The following SLC38A8 variants were observed in gnomAD, a reference collection of about 807,000 sequenced individuals.
The protein encoded by SLC38A8 is solute carrier family 38 member 8.
SLC38A8 carries 65 observed loss-of-function variants against 46.0 expected under a neutral mutation model. The observed-to-expected ratio is 1.41, with a 90% CI of 1.16 to 1.74. SLC38A8 has a LOEUF of 1.74. Ranked by LOEUF, SLC38A8 falls within the 40% of genes most tolerant of loss-of-function variation. The pLI is 0.00. For missense variants in SLC38A8, 998 were observed against 567.9 expected (o/e 1.76, Z -7.70); for synonymous variants, 447 against 243.7 (o/e 1.83, Z -7.77).
intron 4 of SLC38A8, 30 bp from the exon 5 acceptor site, chr16:84,031,998 C>T (rs1193340288): frequency 6.3e-7 from 1 of 1,584,642 alleles, no homozygotes; most frequent in South Asian, 1.1e-5. Context: ...AGGGGCTGCG[C>T]AGTGGGTGAC....
intron 5 of SLC38A8, among the ~76,000 whole-genome samples, chr16:84,030,803 T>G (rs1442354290): frequency 6.6e-6 from 1 of 152,048 alleles, no homozygotes; most frequent in Non-Finnish European, 1.5e-5. Flanking sequence ...GACAGTGACA[T>G]CAGAAGGGTA....
Position 84,042,023 on chromosome 16 carries a change from G to A in SLC38A8, c.135C>T (p.Phe45=), listed in dbSNP as rs577563655. ...KSALGAGLLN[F]PWAFSKAGGV... ...CGCCCGCTTTGGAGAAGGCCCAGGG[G>A]AAGTTGAGCAGGCCAGCTCCCAGCG... Residue 45 remains phenylalanine, a synonymous_variant, in exon 2 of 11, where the codon TTC becomes TTT. Coordinates refer to ENST00000299709, the MANE Select transcript of SLC38A8 (RefSeq NM_001080442.3). 2 of 1,613,512 alleles carry A rather than the reference G, an allele frequency of 1.2e-6. No individual in the cohort carries two copies. The highest frequency in any genetic ancestry group is 2.2e-5 in the South Asian group (2 of 91,020).
intron 6 of SLC38A8, among the ~76,000 whole-genome samples, chr16:84,028,570 G>GAAA (rs34104203): frequency 0.027 from 3,820 of 139,244 alleles, 199 homozygotes; most frequent in African/African-American, 0.097. Context: ...CTCAAAAAAA[G>GAAA]AAAAAAAAAA....
At position 84,015,580 on chromosome 16, in the gene SLC38A8, G is replaced by GC. The variant is rs548277683; in HGVS notation, c.1162+938_1162+939insG. On this transcript the variant is annotated intron_variant, in intron 9 of 10. Transcript: ENST00000299709. The stretch of plus-strand genomic sequence containing the variant: ...TGCATACTAGCTGTGCCCCCGGCGG[G>GC]GGTTCAGGGCCTCGGTCTTCGCATC... 3.9e-3 allele frequency among the ~76,000 whole-genome samples: 585 copies of GC among 151,804 alleles called. 2 individuals are homozygous for GC. The highest frequency in any genetic ancestry group is 0.017 in the Middle Eastern group (5 of 292).
chr16:84,011,156 G>C (rs1390594502), intron 10 of SLC38A8, among the ~76,000 whole-genome samples: 1 of 152,354 alleles, frequency 6.6e-6, no homozygotes, highest in African/African-American at 2.4e-5. Context: ...ATCTGTGCGG[G>C]GACTGTGAGG....
chr16:84,036,609 G>T, intron 3 of SLC38A8, 93 bp downstream of exon 3: 1 of 1,439,786 alleles, frequency 6.9e-7, no homozygotes, highest in Non-Finnish European at 9.5e-7. Flanking sequence ...CAGGGCCCAG[G>T]CCAGGGCCCC....
chr16:84,024,061 G>C lies in SLC38A8; in HGVS notation c.691-1172C>G, dbSNP rs558926386. Reference sequence around the variant, plus strand: ...TGTGTGTTTGGGGTGGGGGTGTTGTGCAGTGTCCCTGGCCGGGACCTACTA... The same window carrying C: ...TGTGTGTTTGGGGTGGGGGTGTTGTCCAGTGTCCCTGGCCGGGACCTACTA... On this transcript the variant is annotated intron_variant, in intron 6 of 10. Transcript: ENST00000299709. Among the ~76,000 whole-genome samples, 6 of 152,340 alleles carry C rather than the reference G, an allele frequency of 3.9e-5. 1 individual carries two copies. Among genetic ancestry groups the C allele is most frequent in the African/African-American group, 1.4e-4 (6 of 41,580 alleles).
chr16:84,022,687 G>A (rs1011278471), intron 7 of SLC38A8, 88 bp downstream of exon 7: 14 of 1,023,194 alleles, frequency 1.4e-5, no homozygotes, highest in Middle Eastern at 2.0e-4. Flanking sequence ...CCCAGCACGT[G>A]GTAAACTCTC....
At chr16:84,013,422 G>GTTTTTTTTTTTT (rs369454720) in intron 9 of SLC38A8, among the ~76,000 whole-genome samples, 17 of 108,718 alleles carry the variant, frequency 1.6e-4, no homozygotes, top group South Asian at 2.8e-4. Context: ...TGTTGTGTGT[G>GTTTTTTTTTTTT]TGTTTTTTTT....
chr16:84,013,890 G>A (rs567358940), intron 9 of SLC38A8, among the ~76,000 whole-genome samples: 1 of 152,296 alleles, frequency 6.6e-6, no homozygotes, highest in South Asian at 2.1e-4. Context: ...CACAGCATCA[G>A]AATTTAATCT....
intron 7 of SLC38A8, 39 bp from the exon 8 acceptor site, chr16:84,017,326 G>C (rs1045918572): frequency 1.2e-6 from 2 of 1,608,676 alleles, no homozygotes; most frequent in Non-Finnish European, 1.7e-6. Context: ...GAGTGGATTA[G>C]GAAAATGCTG....
At chr16:84,014,156 G>A (rs190161284) in intron 9 of SLC38A8, among the ~76,000 whole-genome samples, 1 of 151,612 alleles carries the variant, frequency 6.6e-6, no homozygotes, top group African/African-American at 2.4e-5. Context: ...GGAGCTATGT[G>A]GCCACACCCC....
At chr16:84,024,640 G>C (rs999034387) in intron 6 of SLC38A8, among the ~76,000 whole-genome samples, 1 of 152,066 alleles carries the variant, frequency 6.6e-6, no homozygotes, top group Non-Finnish European at 1.5e-5. Flanking sequence ...AATTAGTCAG[G>C]TGTGGTGGCA....
chr16:84,029,660 G>A (rs927466499), intron 5 of SLC38A8, 109 bp from the exon 6 acceptor site: 2 of 1,062,436 alleles, frequency 1.9e-6, no homozygotes, highest in East Asian at 2.5e-5. Flanking sequence ...ACAGAGCATG[G>A]CTGCAAGATG....
intron 10 of SLC38A8, 22 bp from the exon 11 acceptor site, chr16:84,009,899 G>C: frequency 3.7e-6 from 6 of 1,604,694 alleles, no homozygotes; most frequent in African/African-American, 1.3e-5. Context: ...ATAAACCCAT[G>C]TCAGAGCTTT....
Position 84,013,355 on chromosome 16 carries a change from G to A in SLC38A8, c.1163-303C>T, listed in dbSNP as rs540059498. ...CAGAGTCTATGAGGAGATGGTGAGA[G>A]TCCATGCCTGACACCCGGGAAGTGC... is the stretch of plus-strand genomic sequence containing the variant. On this transcript the variant is annotated intron_variant, in intron 9 of 10. Coordinates refer to ENST00000299709, the MANE Select transcript of SLC38A8 (RefSeq NM_001080442.3). Among the ~76,000 whole-genome samples, 3 of 151,324 alleles carry A rather than the reference G, an allele frequency of 2.0e-5. No homozygotes were observed. In the South Asian group the frequency reaches 6.3e-4, roughly 32 times the overall value.
intron 9 of SLC38A8, among the ~76,000 whole-genome samples, chr16:84,015,342 C>A (rs1237936515): frequency 2.0e-5 from 3 of 152,166 alleles, no homozygotes. Flanking sequence ...AATGCTTGGG[C>A]TGTTTGGGAA....
At chr16:84,039,526 C>A (rs1403005614) in intron 2 of SLC38A8, among the ~76,000 whole-genome samples, 2 of 152,044 alleles carry the variant, frequency 1.3e-5, no homozygotes, top group Non-Finnish European at 2.9e-5. Flanking sequence ...GGGTGGATCA[C>A]CTGAGGTCAG....
At chr16:84,034,552 A>T (rs577483231) in intron 3 of SLC38A8, among the ~76,000 whole-genome samples, 1 of 152,220 alleles carries the variant, frequency 6.6e-6, no homozygotes, top group East Asian at 1.9e-4. Flanking sequence ...GGAGCTTGAG[A>T]TGTCTTCGCT....
Sources: gnomAD v4.1 joint callset for allele counts (sites outside exome capture counted in the v4.1 genomes callset) on GRCh38, gnomAD v4.1.1 for gene constraint, MANE v1.5 for transcripts, NCBI Gene and HGNC (gene_info 2026-07-23, HGNC 2026-07-21) for gene names.